PRAG1: variants seen among roughly 807,000 people sequenced by gnomAD.
The protein encoded by PRAG1 is PEAK1 related, kinase-activating pseudokinase 1.
A neutral mutation model predicts 95.6 loss-of-function variants in PRAG1; 110 were observed. That is an observed-to-expected ratio of 1.15 (90% CI 0.99 to 1.35). PRAG1 has a LOEUF of 1.35. Among genes scored for constraint, PRAG1 ranks in the 40% most tolerant of loss-of-function variants. PRAG1 has a pLI of 0.00. For synonymous variants in PRAG1, 1,052 were observed against 819.4 expected, an observed-to-expected ratio of 1.28 and a Z score of -4.85; for missense variants, 2,554 against 1,864.7, an observed-to-expected ratio of 1.37 and a Z score of -6.81.
At chr8:8,342,357 C>A (rs368795425) in intron 3 of PRAG1, among the ~76,000 whole-genome samples, 1 of 151,540 alleles carries the variant, frequency 6.6e-6, no homozygotes, top group Non-Finnish European at 1.5e-5. Context: ...CACCACGCCC[C>A]GCTAATTTTT....
rs755907827 is a variant in PRAG1 at position 8,327,730 on chromosome 8, C to T, written c.3052G>A (p.Gly1018Ser). 48 of 1,613,390 alleles carry T rather than the reference C, an allele frequency of 3.0e-5. No individual in the cohort carries two copies. In the East Asian group the frequency reaches 3.1e-4, roughly 10 times the overall value. Reference protein sequence around the residue: ...YYCATCSEDPGSTYAVKICKA... With the variant: ...YYCATCSEDPSSTYAVKICKA... ...CCTACTTTCACAGCATAGGTGCTGC[C>T]GGGGTCCTCAGAGCAGGTGGCACAG... Residue 1018 changes from glycine (G) to serine (S), a missense_variant, in exon 5 of 6, where the codon GGC becomes AGC. Physicochemically the swap from Gly to Ser is moderately conservative, Grantham distance 56. Coordinates refer to ENST00000615670, the MANE Select transcript of PRAG1 (RefSeq NM_001080826.3).
intron 4 of PRAG1, among the ~76,000 whole-genome samples, chr8:8,333,718 T>C (rs1277939337): frequency 1.3e-5 from 2 of 152,212 alleles, no homozygotes; most frequent in Non-Finnish European, 2.9e-5. Context: ...AGCTCTGCTG[T>C]GTGATAGCAG....
At chr8:8,348,039 C>G (rs1030749849) in intron 3 of PRAG1, among the ~76,000 whole-genome samples, 1 of 152,190 alleles carries the variant, frequency 6.6e-6, no homozygotes, top group Admixed American at 6.5e-5. Flanking sequence ...GCTTCAGCCT[C>G]CCATGTGACT....
chr8:8,336,141 G>A (rs1021650214), intron 4 of PRAG1, among the ~76,000 whole-genome samples: 1 of 152,078 alleles, frequency 6.6e-6, no homozygotes, highest in Non-Finnish European at 1.5e-5. Context: ...TCTATTGCTG[G>A]TGCCAATGGT....
intron 3 of PRAG1, among the ~76,000 whole-genome samples, chr8:8,344,969 C>G (rs1799284511): frequency 6.6e-6 from 1 of 152,008 alleles, no homozygotes; most frequent in Admixed American, 6.6e-5. Context: ...GCAGAAGTCA[C>G]TGTTGTCAAA....
At chr8:8,332,711 T>C (rs896501743) in intron 4 of PRAG1, among the ~76,000 whole-genome samples, 41 of 140,976 alleles carry the variant, frequency 2.9e-4, no homozygotes, top group African/African-American at 1.0e-3. Flanking sequence ...TACTTTGAAA[T>C]AGATGCTAAC....
intron 1 of PRAG1, among the ~76,000 whole-genome samples, chr8:8,383,898 G>C (rs1053187378): frequency 1.3e-5 from 2 of 152,186 alleles, no homozygotes; most frequent in Admixed American, 6.5e-5. Flanking sequence ...GGAAAAAGCA[G>C]AGGAAGTATT....
chr8:8,384,256 T>C (rs1007278770), intron 1 of PRAG1, among the ~76,000 whole-genome samples: 2 of 152,054 alleles, frequency 1.3e-5, no homozygotes, highest in African/African-American at 4.8e-5. Flanking sequence ...AGGGGTGACA[T>C]TGGTATCAGA....
chr8:8,351,358 C>G (rs1470711921), intron 3 of PRAG1, among the ~76,000 whole-genome samples: 1 of 152,160 alleles, frequency 6.6e-6, no homozygotes, highest in Non-Finnish European at 1.5e-5. Flanking sequence ...CAGACCCCAT[C>G]TCCAATATTC....
chr8:8,357,038 GGGTAAGAGACCTAAACTTAA>G (rs1224025365), intron 3 of PRAG1, among the ~76,000 whole-genome samples: 17 of 152,228 alleles, frequency 1.1e-4, no homozygotes, highest in Admixed American at 1.1e-3. Context: ...ATCTAAAAAT[GGGTAAGAGACCTAAACTTAA>G]GACCTAAAAC....
chr8:8,366,006 A>G (rs945755563), intron 3 of PRAG1, among the ~76,000 whole-genome samples: 3 of 151,944 alleles, frequency 2.0e-5, no homozygotes, highest in Admixed American at 2.0e-4. Flanking sequence ...AACAAACAAA[A>G]TAAGGCTAAG....
At chr8:8,351,445 G>A (rs933304793) in intron 3 of PRAG1, among the ~76,000 whole-genome samples, 10 of 152,082 alleles carry the variant, frequency 6.6e-5, no homozygotes, top group African/African-American at 2.4e-4. Context: ...TTTTGCTATC[G>A]ACAGAAGCAG....
Position 8,328,574 on chromosome 8 carries a change from T to C in PRAG1, c.2321-113A>G, listed in dbSNP as rs1013766973. On this transcript the variant is annotated intron_variant, in intron 4 of 5. Coordinates refer to ENST00000615670, the MANE Select transcript of PRAG1 (RefSeq NM_001080826.3). Reference sequence around the variant, plus strand: ...TTTATTTGGTCAGAGCAATTAATTTTATGTTACTTCTTTTCTATTTCTCTA... The same window carrying C: ...TTTATTTGGTCAGAGCAATTAATTTCATGTTACTTCTTTTCTATTTCTCTA... The C allele has an allele frequency of 7.7e-6, 9 of 1,164,390 alleles. No individual in the cohort carries two copies. In the Admixed American group the frequency reaches 1.5e-4, roughly 19 times the overall value. 72.1% of individuals were successfully genotyped at this position (1,164,390 alleles called of 1,614,324 possible).
intron 3 of PRAG1, among the ~76,000 whole-genome samples, chr8:8,359,103 G>C (rs922759098): frequency 6.6e-6 from 1 of 152,140 alleles, no homozygotes; most frequent in Admixed American, 6.5e-5. Context: ...TAAACTATTA[G>C]TTCTAACACT....
intron 3 of PRAG1, among the ~76,000 whole-genome samples, chr8:8,354,603 T>G (rs1799629488): frequency 6.6e-6 from 1 of 152,224 alleles, no homozygotes; most frequent in Non-Finnish European, 1.5e-5. Context: ...GATTTATCCT[T>G]GGCATGCAAG....
chr8:8,377,741 T>A lies in PRAG1; in HGVS notation c.668A>T (p.Gln223Leu). 6.2e-7 allele frequency: 1 copy of A among 1,614,074 alleles called. No individual in the cohort carries two copies. Among genetic ancestry groups the A allele is most frequent in the Non-Finnish European group, 8.5e-7 (1 of 1,180,012 alleles). Residue 223 changes from glutamine to leucine, a missense_variant, in exon 3 of 6, where the codon CAG becomes CTG. Transcript: ENST00000615670. ...GGATTCCCGCAGGGGCCCAGGGCCC[T>A]GGTGACAGCCAGATGTGGTCCCAGC... ...AFAGTTSGCH[Q>L]GPGPLRESLP... is the part of the protein sequence containing the mutation.
At chr8:8,361,488 G>A (rs894203409) in intron 3 of PRAG1, among the ~76,000 whole-genome samples, 2 of 152,002 alleles carry the variant, frequency 1.3e-5, no homozygotes, top group Non-Finnish European at 2.9e-5. Context: ...TGGTCTAGAG[G>A]GTCCCATTTC....
At position 8,318,805 on chromosome 8, in the gene PRAG1, G is replaced by A; in HGVS notation, c.3570C>T (p.Gly1190=). The stretch of plus-strand genomic sequence containing the variant: ...CGGGGCCGGCTGCGGGGCTGAGAGT[G>A]CCACCAGCAGGCGGGGCGGCAGAGG... ...PCSSAAPPAG[G]TLSPAAGPAS... The change falls in exon 6 of 6, where the codon GGC becomes GGT. Residue 1190 remains glycine, a synonymous_variant. Transcript: ENST00000615670. The surrounding 1 kb of genome is among the most constrained non-coding windows in gnomAD (Gnocchi z 4.2). 1 of 1,471,010 alleles carries A rather than the reference G, an allele frequency of 6.8e-7. No individual in the cohort carries two copies. Among genetic ancestry groups the A allele is most frequent in the Non-Finnish European group, 9.0e-7 (1 of 1,108,528 alleles). The allele number at this position is 1,471,010 out of a possible 1,614,324, so 91.1% of individuals were successfully genotyped here.
intron 5 of PRAG1, among the ~76,000 whole-genome samples, chr8:8,326,931 A>G (rs1798651920): frequency 6.6e-6 from 1 of 152,144 alleles, no homozygotes; most frequent in African/African-American, 2.4e-5. Flanking sequence ...CACACAAATG[A>G]TATTATTACT....
Sources: gnomAD v4.1 joint callset for allele counts (sites outside exome capture counted in the v4.1 genomes callset) on GRCh38, gnomAD v4.1.1 for gene constraint, Gnocchi (gnomAD v3.1) non-coding constraint, MANE v1.5 for transcripts, NCBI Gene and HGNC (gene_info 2026-07-23, HGNC 2026-07-21) for gene names.